The following PPFIA1 variants were observed in gnomAD, a reference collection of about 807,000 sequenced individuals.
PPFIA1 encodes the protein liprin-alpha-1.
A neutral mutation model predicts 149.9 loss-of-function variants in PPFIA1; 25 were observed. That is an observed-to-expected ratio of 0.17 (90% CI 0.12 to 0.23). The LOEUF is 0.23. Ranked by LOEUF, PPFIA1 falls within the 10% of genes least tolerant of loss-of-function variation. PPFIA1 has a pLI of 1.00. For synonymous variants in PPFIA1, 549 were observed against 552.8 expected, an observed-to-expected ratio of 0.99 and a Z score of 0.10; for missense variants, 1,362 against 1,506.5, an observed-to-expected ratio of 0.90 and a Z score of 1.59.
chr11:70,351,458 C>A (rs899524189), intron 16 of PPFIA1, among the ~76,000 whole-genome samples: 3 of 152,152 alleles, frequency 2.0e-5, no homozygotes, highest in African/African-American at 4.8e-5. Flanking sequence ...TGTCCCTGAT[C>A]TGAGATGCTT....
chr11:70,272,081 A>G (rs1212560998), intron 1 of PPFIA1, 92 bp from the exon 2 acceptor site: 2 of 1,378,564 alleles, frequency 1.5e-6, no homozygotes, highest in Non-Finnish European at 2.0e-6. Flanking sequence ...GAGACTGCCC[A>G]TCTTTTTAGC....
chr11:70,280,870 T>C (rs2050720581), intron 2 of PPFIA1, among the ~76,000 whole-genome samples: 2 of 151,938 alleles, frequency 1.3e-5, no homozygotes, highest in Middle Eastern at 3.4e-3. Context: ...GCCCAAAATC[T>C]AAAGTCCAGA....
intron 19 of PPFIA1, among the ~76,000 whole-genome samples, chr11:70,357,048 A>G (rs972876531): frequency 6.6e-6 from 1 of 152,180 alleles, no homozygotes; most frequent in South Asian, 2.1e-4. Flanking sequence ...CTGACTGTAG[A>G]TGAAGTAGAT....
rs145476630 is a variant in PPFIA1, at chr11:70,348,356, C to G, written c.2099C>G (p.Ser700Cys). The change falls in exon 16 of 28, where the codon TCC becomes TGC. Residue 700 changes from serine (S) to cysteine (C), a missense_variant. Ser to Cys is a moderately radical substitution (Grantham distance 112). Around this residue, in one of 7 missense-constraint regions of PPFIA1, gnomAD observed 733 missense variants for 744.1 expected, o/e 0.99. Coordinates refer to ENST00000253925, the MANE Select transcript of PPFIA1 (RefSeq NM_003626.5). ...ASSSPPGSGR[S>C]TPRRIPHSPA... ...TCCTCCCCTCCGGGCAGTGGGCGCT[C>G]CACCCCACGAAGGATCCCTCACAGC... 9.9e-6 allele frequency: 16 copies of G among 1,614,010 alleles called. No individual in the cohort carries two copies. The African/African-American group carries it at 2.1e-4, about 22-fold the overall frequency.
At chr11:70,310,910 C>T (rs570591082) in intron 2 of PPFIA1, among the ~76,000 whole-genome samples, 14 of 152,132 alleles carry the variant, frequency 9.2e-5, no homozygotes, top group African/African-American at 2.6e-4. Context: ...GCAGAGAGGC[C>T]GAGGACACAC....
chr11:70,351,543 C>T (rs984394071), intron 16 of PPFIA1, among the ~76,000 whole-genome samples: 3 of 152,296 alleles, frequency 2.0e-5, no homozygotes, highest in African/African-American at 7.2e-5. Flanking sequence ...AGTTGAGCCT[C>T]TCAAATCTGA....
At position 70,287,977 on chromosome 11, in the gene PPFIA1, A is replaced by G. The variant is rs368553820; in HGVS notation, c.264+15541A>G. Reference sequence around the variant, plus strand: ...GTTAGATTTTTAAATTCAGGCGTTTATAAGAGTTAAAGTCTAAGTGTGTAT... The same window carrying G: ...GTTAGATTTTTAAATTCAGGCGTTTGTAAGAGTTAAAGTCTAAGTGTGTAT... On this transcript the variant is annotated intron_variant, in intron 2 of 27. Coordinates refer to ENST00000253925, the MANE Select transcript of PPFIA1 (RefSeq NM_003626.5). Among the ~76,000 whole-genome samples, 7 of 151,944 alleles carry G rather than the reference A, an allele frequency of 4.6e-5. No homozygotes were observed. In the East Asian group the frequency reaches 1.2e-3, roughly 25 times the overall value.
intron 16 of PPFIA1, among the ~76,000 whole-genome samples, chr11:70,349,011 A>G (rs751870202): frequency 2.6e-5 from 4 of 152,156 alleles, no homozygotes; most frequent in African/African-American, 9.7e-5. Context: ...TCTGTTTTAT[A>G]GGAAAAACCA....
At chr11:70,369,874 C>T (rs2057138306) in intron 21 of PPFIA1, among the ~76,000 whole-genome samples, 1 of 151,986 alleles carries the variant, frequency 6.6e-6, no homozygotes, top group African/African-American at 2.4e-5. Context: ...TGGACTCAAG[C>T]CATCCTCCTG....
chr11:70,326,770 C>A lies in PPFIA1; in HGVS notation c.882C>A (p.Leu294=). 1 of 1,614,134 alleles carries A rather than the reference C, an allele frequency of 6.2e-7. No individual in the cohort carries two copies. Among genetic ancestry groups the A allele is most frequent in the Non-Finnish European group, 8.5e-7 (1 of 1,180,022 alleles). Residue 294 remains leucine, a synonymous_variant, in exon 7 of 28, where the codon CTC becomes CTA. Coordinates refer to ENST00000253925, the MANE Select transcript of PPFIA1 (RefSeq NM_003626.5). Reference sequence around the variant, plus strand: ...ATCTGGACACGGCTAGAAAAGATCTCATCAAATCTGAAGAAATGAACACAA... The same window carrying A: ...ATCTGGACACGGCTAGAAAAGATCTAATCAAATCTGAAGAAATGAACACAA... ...EEDLDTARKD[L]IKSEEMNTKL... is the part of the protein sequence containing the mutation.
intron 4 of PPFIA1, 53 bp downstream of exon 4, chr11:70,325,064 G>C: frequency 6.8e-7 from 1 of 1,471,752 alleles, no homozygotes; most frequent in Non-Finnish European, 9.0e-7. Flanking sequence ...TATTAGGCCA[G>C]CTTCACAAGT....
chr11:70,380,697 T>G (rs1446426613), intron 26 of PPFIA1, among the ~76,000 whole-genome samples: 1 of 150,106 alleles, frequency 6.7e-6, no homozygotes, highest in Non-Finnish European at 1.5e-5. Flanking sequence ...ATCATGCCAC[T>G]GTACTCCAGC....
At chr11:70,308,830 A>G (rs1439857290) in intron 2 of PPFIA1, among the ~76,000 whole-genome samples, 1 of 152,174 alleles carries the variant, frequency 6.6e-6, no homozygotes, top group African/African-American at 2.4e-5. Context: ...AGTCCTAGCT[A>G]CTTGGGAGGC....
At chr11:70,271,926 G>T in intron 1 of PPFIA1, 1 of 453,582 alleles carries the variant, frequency 2.2e-6, no homozygotes, top group Non-Finnish European at 3.9e-6. Context: ...TTTTTTGTGA[G>T]GGTAGTCCTT....
chr11:70,333,677 G>A (rs954865332), intron 10 of PPFIA1, 124 bp downstream of exon 10: 14 of 757,542 alleles, frequency 1.8e-5, no homozygotes, highest in East Asian at 8.1e-5. Flanking sequence ...AGTTCTGGTC[G>A]CGTGCATTTG....
At chr11:70,314,367 GAA>G (rs2136585662) in intron 2 of PPFIA1, among the ~76,000 whole-genome samples, 1 of 152,308 alleles carries the variant, frequency 6.6e-6, no homozygotes, top group Non-Finnish European at 1.5e-5. Flanking sequence ...CCAGGCTGGG[GAA>G]AAGTTTCTGA....
At chr11:70,325,953 A>G (rs1458266303) in intron 5 of PPFIA1, among the ~76,000 whole-genome samples, 1 of 151,750 alleles carries the variant, frequency 6.6e-6, no homozygotes, top group Non-Finnish European at 1.5e-5. Context: ...AAAAAAAAGT[A>G]AAAGAAGTAT....
At position 70,324,462 on chromosome 11, in the gene PPFIA1, G is replaced by A; in HGVS notation, c.325G>A (p.Glu109Lys). ...VCREQLLERE[E>K]EIAELKAERN... is the part of the protein sequence containing the mutation. Reference sequence around the variant, plus strand: ...CAGGGAACAGCTCCTTGAAAGGGAAGAAGAAATTGCTGAACTGAAAGCAGA... The same window carrying A: ...CAGGGAACAGCTCCTTGAAAGGGAAAAAGAAATTGCTGAACTGAAAGCAGA... The change falls in exon 3 of 28, where the codon GAA becomes AAA. Residue 109 changes from glutamate (E) to lysine (K), a missense_variant. Coordinates refer to ENST00000253925, the MANE Select transcript of PPFIA1 (RefSeq NM_003626.5). The A allele has an allele frequency of 6.2e-7, 1 of 1,613,850 alleles. No individual in the cohort carries two copies. The highest frequency in any genetic ancestry group is 8.5e-7 in the Non-Finnish European group (1 of 1,179,728).
In PPFIA1 at chr11:70,330,335, G is replaced by A. The variant is rs547546327; in HGVS notation, c.1077+16G>A. 8 of 1,548,812 alleles carry A rather than the reference G, an allele frequency of 5.2e-6. No individual in the cohort carries two copies. Among genetic ancestry groups the A allele is most frequent in the South Asian group, 2.5e-5 (2 of 81,046 alleles). On this transcript the variant is annotated intron_variant, in intron 8 of 27. Coordinates refer to ENST00000253925, the MANE Select transcript of PPFIA1 (RefSeq NM_003626.5). Reference sequence around the variant, plus strand: ...GCATCGACAGGTAATGGATTTTATCGACCTTTGTCTGGCTTTAGTTAATTA... The same window carrying A: ...GCATCGACAGGTAATGGATTTTATCAACCTTTGTCTGGCTTTAGTTAATTA...
Sources: allele counts gnomAD v4.1 joint callset (sites outside exome capture counted in the v4.1 genomes callset), GRCh38; gene constraint gnomAD v4.1.1; regional missense constraint gnomAD v4.1.1; transcripts MANE v1.5; gene names NCBI Gene and HGNC (gene_info 2026-07-23, HGNC 2026-07-21).